The following PRDM5 variants were observed in gnomAD, a reference collection of about 807,000 sequenced individuals.
The protein encoded by PRDM5 is PR domain zinc finger protein 5.
PRDM5 carries 56 observed loss-of-function variants against 81.2 expected under a neutral mutation model. The observed-to-expected ratio is 0.69, with a 90% confidence interval of 0.56 to 0.86. The LOEUF (loss-of-function observed/expected upper bound fraction) is 0.86, where lower values mean the gene tolerates loss of function less well. PRDM5 is among the 40% of genes least tolerant of loss of function. The pLI, the probability that PRDM5 is intolerant of heterozygous loss-of-function variation, is 0.00. For missense variants in PRDM5, 697 were observed against 770.1 expected, an observed-to-expected ratio of 0.91 and a Z score of 1.12; for synonymous variants, 267 against 256.4, an observed-to-expected ratio of 1.04 and a Z score of -0.39.
chr4:120,798,863 C>T (rs3804175), intron 9 of PRDM5, among the ~76,000 whole-genome samples: 22,502 of 152,156 alleles, frequency 0.15, 2,564 homozygotes, highest in African/African-American at 0.3. Context: ...GATATTTACA[C>T]TGGTATGTAA....
intron 2 of PRDM5, among the ~76,000 whole-genome samples, chr4:120,894,855 T>G (rs905290243): frequency 4.6e-5 from 7 of 152,102 alleles, no homozygotes; most frequent in Non-Finnish European, 8.8e-5. Context: ...AAATATAAGT[T>G]CAACTTCAAT....
At chr4:120,899,450 T>C (rs1299530490) in intron 2 of PRDM5, among the ~76,000 whole-genome samples, 1 of 152,230 alleles carries the variant, frequency 6.6e-6, no homozygotes, top group Non-Finnish European at 1.5e-5. Context: ...CACTTCAAGA[T>C]TTCAGAAGCC....
intron 1 of PRDM5, among the ~76,000 whole-genome samples, chr4:120,911,432 A>G (rs1412633937): frequency 4.6e-5 from 7 of 152,238 alleles, no homozygotes; most frequent in African/African-American, 1.7e-4. Flanking sequence ...TGTCCAGCCC[A>G]TAATGGAGCA....
At chr4:120,810,520 G>A (rs1056607654) in intron 8 of PRDM5, 2 of 151,986 alleles carry the variant, frequency 1.3e-5, no homozygotes, top group African/African-American at 4.8e-5. Context: ...AGATTAGCAT[G>A]GCCTCTGCAC....
chr4:120,775,631 G>A (rs1748040410), intron 13 of PRDM5, among the ~76,000 whole-genome samples: 1 of 152,122 alleles, frequency 6.6e-6, no homozygotes, highest in Admixed American at 6.6e-5. Flanking sequence ...ATTCTGATAT[G>A]TACATATAAT....
chr4:120,891,191 T>C (rs959859412), intron 2 of PRDM5, among the ~76,000 whole-genome samples: 48 of 152,246 alleles, frequency 3.2e-4, no homozygotes, highest in Admixed American at 3.1e-3. Context: ...GGCTTTTTAT[T>C]ACTGATTCAG....
chr4:120,739,254 T>C (rs563767248), intron 14 of PRDM5, among the ~76,000 whole-genome samples: 4 of 152,322 alleles, frequency 2.6e-5, no homozygotes, highest in South Asian at 2.1e-4. Context: ...AAGCAAGTCA[T>C]TGTGCCCAGC....
intron 2 of PRDM5, among the ~76,000 whole-genome samples, chr4:120,864,404 T>C (rs1392757943): frequency 6.6e-6 from 1 of 152,180 alleles, no homozygotes; most frequent in African/African-American, 2.4e-5. Flanking sequence ...ATGTTTTTAA[T>C]CCAAGGCAGG....
chr4:120,819,785 C>T (rs541422506), intron 4 of PRDM5, among the ~76,000 whole-genome samples: 1 of 152,238 alleles, frequency 6.6e-6, no homozygotes, highest in Non-Finnish European at 1.5e-5. Flanking sequence ...CAGAATAACA[C>T]AGAAATAATT....
intron 3 of PRDM5, among the ~76,000 whole-genome samples, chr4:120,821,598 T>C (rs1755280776): frequency 6.6e-6 from 1 of 152,170 alleles, no homozygotes; most frequent in African/African-American, 2.4e-5. Context: ...TTAAAGTGAA[T>C]TTTGCATCAC....
intron 14 of PRDM5, among the ~76,000 whole-genome samples, chr4:120,741,655 A>C (rs934220645): frequency 6.6e-6 from 1 of 152,042 alleles, no homozygotes; most frequent in African/African-American, 2.4e-5. Context: ...CTAATCAAAG[A>C]AAGGGGTGAC....
At chr4:120,745,936 A>G (rs1578566725) in intron 14 of PRDM5, among the ~76,000 whole-genome samples, 2 of 150,076 alleles carry the variant, frequency 1.3e-5, no homozygotes, top group African/African-American at 5.0e-5. Context: ...AAACTACTTT[A>G]AAGTTCATAT....
chr4:120,834,986 C>T (rs1268180477), intron 3 of PRDM5, among the ~76,000 whole-genome samples: 1 of 152,200 alleles, frequency 6.6e-6, no homozygotes, highest in East Asian at 1.9e-4. Context: ...CTCACCTGCA[C>T]ATAATCCTTC....
At chr4:120,797,392 G>A (rs936796691) in intron 10 of PRDM5, among the ~76,000 whole-genome samples, 3 of 152,056 alleles carry the variant, frequency 2.0e-5, no homozygotes, top group African/African-American at 4.8e-5. Flanking sequence ...CTTGTAGGAT[G>A]GATTGCAGCA....
At chr4:120,749,737 T>C (rs976762980) in intron 14 of PRDM5, among the ~76,000 whole-genome samples, 14 of 152,140 alleles carry the variant, frequency 9.2e-5, no homozygotes, top group Admixed American at 4.6e-4. Flanking sequence ...TTCCAGGCAA[T>C]GACCCGTGGC....
intron 11 of PRDM5, among the ~76,000 whole-genome samples, chr4:120,782,734 T>C (rs374647301): frequency 6.6e-6 from 1 of 152,116 alleles, no homozygotes; most frequent in Admixed American, 6.6e-5. Context: ...TAATCAGTGA[T>C]AGCATAAGGA....
chr4:120,757,859 C>T (rs1030508142), intron 13 of PRDM5, among the ~76,000 whole-genome samples: 2 of 151,144 alleles, frequency 1.3e-5, no homozygotes, highest in Non-Finnish European at 2.9e-5. Flanking sequence ...TCCTCCTCCT[C>T]CTTCTTCTTC....
At chr4:120,701,881 G>A (rs1213416568) in intron 15 of PRDM5, among the ~76,000 whole-genome samples, 1 of 152,104 alleles carries the variant, frequency 6.6e-6, no homozygotes, top group African/African-American at 2.4e-5. Flanking sequence ...TCCAATGGAT[G>A]TCATGTATGC....
At chr4:120,867,922 C>T (rs1398094703) in intron 2 of PRDM5, among the ~76,000 whole-genome samples, 1 of 152,210 alleles carries the variant, frequency 6.6e-6, no homozygotes, top group Non-Finnish European at 1.5e-5. Flanking sequence ...ACTTCACCTT[C>T]CAAATGTGTT....
Sources: gnomAD v4.1 joint callset for allele counts (sites outside exome capture counted in the v4.1 genomes callset) on GRCh38, gnomAD v4.1.1 for gene constraint, MANE v1.5 for transcripts, NCBI Gene and HGNC (gene_info 2026-07-23, HGNC 2026-07-21) for gene names.